NCAM2: variants seen among roughly 807,000 people sequenced by gnomAD.
NCAM2 encodes N-CAM-2.
A neutral mutation model predicts 98.1 loss-of-function variants in NCAM2; 30 were observed. The observed-to-expected ratio is 0.31, with a 90% CI of 0.23 to 0.41. The LOEUF is 0.41. NCAM2 is among the 10% of genes least tolerant of loss of function. The probability of loss-of-function intolerance (pLI) is 1.00; values close to 1 mark genes in which losing one functional copy is unlikely to be tolerated. For synonymous variants in NCAM2, 368 were observed against 342.4 expected, an observed-to-expected ratio of 1.07 and a Z score of -0.83; for missense variants, 867 against 1,005.8, an observed-to-expected ratio of 0.86 and a Z score of 1.87.
intron 1 of NCAM2, among the ~76,000 whole-genome samples, chr21:21,115,989 G>GTGTGTGTGTGTGTGTC (rs796784161): frequency 3.1e-5 from 4 of 130,640 alleles, no homozygotes; most frequent in African/African-American, 1.1e-4. Context: ...GTGTGTGTGT[G>GTGTGTGTGTGTGTGTC]TGTCTGTCTG....
intron 9 of NCAM2, among the ~76,000 whole-genome samples, chr21:21,408,238 G>C (rs1054908634): frequency 3.3e-5 from 5 of 152,258 alleles, no homozygotes; most frequent in Admixed American, 6.5e-5. Context: ...AGAAAGTGAG[G>C]AGCTTACTTT....
chr21:21,113,274 A>G (rs2066489773), intron 1 of NCAM2, among the ~76,000 whole-genome samples: 1 of 152,214 alleles, frequency 6.6e-6, no homozygotes, highest in African/African-American at 2.4e-5. Context: ...AGCAGGAATC[A>G]CGGTGGCACA....
chr21:21,112,186 A>T (rs1324243279), intron 1 of NCAM2, among the ~76,000 whole-genome samples: 3 of 152,124 alleles, frequency 2.0e-5, no homozygotes, highest in African/African-American at 7.2e-5. Flanking sequence ...ACGGCATAAT[A>T]TTCTATAGTG....
chr21:21,271,303 A>G (rs2072488318), intron 1 of NCAM2, among the ~76,000 whole-genome samples: 2 of 152,226 alleles, frequency 1.3e-5, no homozygotes, highest in South Asian at 4.1e-4. Context: ...GACTAAGATT[A>G]ATAAGGCAAG....
In NCAM2 at chr21:21,480,366, C is replaced by CAAAAAAAAAAAA. The variant is rs59203448; in HGVS notation, c.2077+2905_2077+2916dup. 5.1e-3 allele frequency among the ~76,000 whole-genome samples: 357 copies of CAAAAAAAAAAAA among 69,928 alleles called. 16 individuals carry two copies. Among genetic ancestry groups the CAAAAAAAAAAAA allele is most frequent in the African/African-American group, 0.02 (331 of 16,674 alleles). 45.9% of individuals were successfully genotyped at this position (69,928 alleles called of 152,430 possible). A position where few individuals can be genotyped will look rare whatever the true frequency, so the allele number is the denominator to read the frequency against. On this transcript the variant is annotated intron_variant, in intron 15 of 17. Transcript: ENST00000400546. ...TGGGCGACAGAGCGAGACTCCATCT[C>CAAAAAAAAAAAA]AAAAAAAAAAAAAAAAAAAAAGAAT...
intron 1 of NCAM2, among the ~76,000 whole-genome samples, chr21:21,072,524 A>T (rs1354578186): frequency 2.6e-5 from 4 of 152,300 alleles, no homozygotes; most frequent in South Asian, 4.1e-4. Context: ...ACAATGTAAA[A>T]TATCATTAAA....
At chr21:21,375,705 T>G (rs1243188799) in intron 9 of NCAM2, among the ~76,000 whole-genome samples, 2 of 151,766 alleles carry the variant, frequency 1.3e-5, no homozygotes, top group African/African-American at 2.4e-5. Context: ...AAAATTTACT[T>G]TATGATTTTT....
At chr21:21,282,654 T>C (rs908522483) in intron 2 of NCAM2, among the ~76,000 whole-genome samples, 6 of 151,540 alleles carry the variant, frequency 4.0e-5, no homozygotes, top group Non-Finnish European at 8.9e-5. Flanking sequence ...AAAATAAATA[T>C]CTTAAATTTA....
At chr21:21,334,531 G>A (rs1035601327) in intron 6 of NCAM2, among the ~76,000 whole-genome samples, 2 of 151,948 alleles carry the variant, frequency 1.3e-5, no homozygotes, top group Non-Finnish European at 1.5e-5. Flanking sequence ...ACAAGCAAAT[G>A]TCTCCATACC....
intron 12 of NCAM2, among the ~76,000 whole-genome samples, chr21:21,444,718 C>A (rs1979830382): frequency 6.6e-6 from 1 of 152,000 alleles, no homozygotes; most frequent in African/African-American, 2.4e-5. Flanking sequence ...CTTGATTCTT[C>A]TCTCTTTTCT....
intron 1 of NCAM2, among the ~76,000 whole-genome samples, chr21:21,168,162 A>T (rs1203295203): frequency 1.3e-5 from 2 of 152,122 alleles, no homozygotes; most frequent in African/African-American, 4.8e-5. Context: ...TTTGAAAATC[A>T]ATGATTACAT....
chr21:21,279,306 A>G (rs1056362171), intron 1 of NCAM2, among the ~76,000 whole-genome samples: 9 of 152,084 alleles, frequency 5.9e-5, no homozygotes, highest in Admixed American at 5.2e-4. Context: ...GACTGATTTT[A>G]TACCCTCCTT....
At chr21:21,070,169 A>G (rs2065530200) in intron 1 of NCAM2, among the ~76,000 whole-genome samples, 1 of 151,992 alleles carries the variant, frequency 6.6e-6, no homozygotes, top group African/African-American at 2.4e-5. Flanking sequence ...CTCCAGACAT[A>G]TTACTATGGA....
chr21:21,350,415 A>G (rs1416716605), intron 8 of NCAM2, among the ~76,000 whole-genome samples: 1 of 152,112 alleles, frequency 6.6e-6, no homozygotes, highest in Non-Finnish European at 1.5e-5. Flanking sequence ...TTATACTACA[A>G]TCCAGGACAG....
intron 9 of NCAM2, among the ~76,000 whole-genome samples, chr21:21,381,899 T>G (rs1273636139): frequency 2.6e-5 from 4 of 152,126 alleles, no homozygotes; most frequent in African/African-American, 4.8e-5. Flanking sequence ...CAGAGATAAA[T>G]TCCATTAATT....
intron 9 of NCAM2, among the ~76,000 whole-genome samples, chr21:21,408,497 T>C (rs868002397): frequency 9.2e-5 from 14 of 152,292 alleles, no homozygotes; most frequent in South Asian, 2.1e-4. Context: ...ATTATAAAGC[T>C]GTTTTATCTT....
intron 1 of NCAM2, among the ~76,000 whole-genome samples, chr21:21,023,961 A>T (rs1042974563): frequency 2.6e-5 from 4 of 152,226 alleles, no homozygotes; most frequent in African/African-American, 9.6e-5. Flanking sequence ...TCTATTTGTC[A>T]AATCCTAGCT....
chr21:21,094,251 A>C (rs1399750176), intron 1 of NCAM2, among the ~76,000 whole-genome samples: 5 of 151,988 alleles, frequency 3.3e-5, no homozygotes, highest in Non-Finnish European at 7.4e-5. Flanking sequence ...AGTCTTATAT[A>C]CACAAATATC....
At chr21:21,333,602 C>T (rs1171367351) in intron 6 of NCAM2, among the ~76,000 whole-genome samples, 2 of 152,038 alleles carry the variant, frequency 1.3e-5, no homozygotes, top group Non-Finnish European at 2.9e-5. Context: ...ACTTAATTAA[C>T]CTGCTGCTTT....
Sources: allele counts gnomAD v4.1 joint callset (sites outside exome capture counted in the v4.1 genomes callset), GRCh38; gene constraint gnomAD v4.1.1; transcripts MANE v1.5; gene names NCBI Gene and HGNC (gene_info 2026-07-23, HGNC 2026-07-21).